Variants in PPP1R12A observed in about 807,000 individuals in gnomAD.
The protein encoded by PPP1R12A is protein phosphatase 1 regulatory subunit 12A.
A neutral mutation model predicts 139.6 loss-of-function variants in PPP1R12A; 19 were observed. The observed-to-expected ratio is 0.14, with a 90% CI of 0.09 to 0.20. The LOEUF (loss-of-function observed/expected upper bound fraction) is 0.20. PPP1R12A is among the 10% of genes least tolerant of loss of function. PPP1R12A has a pLI of 1.00. For missense variants in PPP1R12A, 925 were observed against 1,211.5 expected, an observed-to-expected ratio of 0.76 and a Z score of 3.51; for synonymous variants, 427 against 420.6, an observed-to-expected ratio of 1.02 and a Z score of -0.19.
At chr12:79,854,882 A>G (rs1014316276) in intron 2 of PPP1R12A, among the ~76,000 whole-genome samples, 1 of 151,970 alleles carries the variant, frequency 6.6e-6, no homozygotes, top group African/African-American at 2.4e-5. Context: ...TATGTTGCTG[A>G]AGCTGGTCTA....
chr12:79,884,067 G>C (rs1437833975), intron 1 of PPP1R12A, among the ~76,000 whole-genome samples: 1 of 152,130 alleles, frequency 6.6e-6, no homozygotes, highest in African/African-American at 2.4e-5. Flanking sequence ...AACAGGTCTG[G>C]TATATAAAGA....
At chr12:79,904,132 T>C (rs550216560) in intron 1 of PPP1R12A, among the ~76,000 whole-genome samples, 22 of 152,044 alleles carry the variant, frequency 1.4e-4, no homozygotes, top group Admixed American at 5.9e-4. Flanking sequence ...GGAGAATCGC[T>C]TGAACCCGGG....
At chr12:79,925,021 G>C (rs371923504) in intron 1 of PPP1R12A, among the ~76,000 whole-genome samples, 2 of 151,652 alleles carry the variant, frequency 1.3e-5, no homozygotes, top group Middle Eastern at 3.4e-3. Context: ...ATGCATCTTC[G>C]AATGATATCA....
intron 9 of PPP1R12A, among the ~76,000 whole-genome samples, chr12:79,816,383 C>T (rs1350986815): frequency 4.0e-5 from 6 of 151,228 alleles, no homozygotes; most frequent in African/African-American, 1.2e-4. Context: ...GTTATGATTA[C>T]TGCAATCAAT....
intron 14 of PPP1R12A, among the ~76,000 whole-genome samples, chr12:79,804,746 G>A (rs549389154): frequency 3.9e-4 from 58 of 149,106 alleles, no homozygotes; most frequent in African/African-American, 1.4e-3. Context: ...TTTTTCAAGA[G>A]GAAAAAAAAA....
chr12:79,858,932 C>T (rs1880991480), intron 2 of PPP1R12A, among the ~76,000 whole-genome samples: 1 of 152,122 alleles, frequency 6.6e-6, no homozygotes, highest in African/African-American at 2.4e-5. Context: ...ATAAAACTGT[C>T]ATGTTACCCA....
In PPP1R12A at chr12:79,817,388, G is replaced by A; in HGVS notation, c.1239+6C>T. ...TGTATTTTCAGCAAATACAATTTTG[G>A]CTTACCTTTTTAATAGGTGATGTAG... On this transcript the variant is annotated splice_donor_region_variant and intron_variant, in intron 9 of 24. Transcript: ENST00000450142. 1 of 1,609,358 alleles carries A rather than the reference G, an allele frequency of 6.2e-7. No individual in the cohort carries two copies. Among genetic ancestry groups the A allele is most frequent in the Non-Finnish European group, 8.5e-7 (1 of 1,177,296 alleles).
At chr12:79,842,517 T>C (rs1488163948) in intron 3 of PPP1R12A, among the ~76,000 whole-genome samples, 6 of 152,020 alleles carry the variant, frequency 3.9e-5, no homozygotes, top group Admixed American at 3.9e-4. Context: ...AACACAGCTC[T>C]AATAATACCT....
intron 19 of PPP1R12A, among the ~76,000 whole-genome samples, chr12:79,792,910 G>A (rs533963434): frequency 6.6e-6 from 1 of 151,990 alleles, no homozygotes; most frequent in South Asian, 2.1e-4. Flanking sequence ...ACTCCTCATT[G>A]TCTGGCCACC....
At chr12:79,884,874 CAT>C (rs753188328) in intron 1 of PPP1R12A, among the ~76,000 whole-genome samples, 2 of 152,084 alleles carry the variant, frequency 1.3e-5, no homozygotes, top group Admixed American at 6.6e-5. Context: ...TTGTTCCACA[CAT>C]GTTCATAAGG....
intron 5 of PPP1R12A, 174 bp downstream of exon 5, chr12:79,828,146 A>T: frequency 2.0e-6 from 1 of 491,284 alleles, no homozygotes; most frequent in South Asian, 5.8e-5. Context: ...GTAGCTGAAA[A>T]GACTTAAACC....
intron 4 of PPP1R12A, among the ~76,000 whole-genome samples, chr12:79,829,547 A>AT (rs1240252775): frequency 6.6e-6 from 1 of 152,036 alleles, no homozygotes; most frequent in Admixed American, 6.6e-5. Context: ...GGCCCTGCTG[A>AT]TCTATATTCT....
intron 1 of PPP1R12A, among the ~76,000 whole-genome samples, chr12:79,916,365 CT>C (rs1351039261): frequency 1.9e-5 from 1 of 52,024 alleles, no homozygotes; most frequent in East Asian, 5.9e-4. Context: ...AGACTTGGGG[CT>C]GTTTTTTCAA....
At chr12:79,822,279 AC>A in intron 5 of PPP1R12A, 89 bp from the exon 6 acceptor site, 2 of 947,468 alleles carry the variant, frequency 2.1e-6, no homozygotes, top group Non-Finnish European at 3.2e-6. Flanking sequence ...TTATATAAAG[AC>A]GTTGGATAAC....
intron 1 of PPP1R12A, 33 bp from the exon 2 acceptor site, chr12:79,872,971 A>T (rs1882722205): frequency 1.3e-6 from 2 of 1,590,954 alleles, no homozygotes; most frequent in Admixed American, 1.8e-5. Flanking sequence ...GATTGGAAAA[A>T]ATACGAATTA....
At chr12:79,849,255 G>A (rs1001639466) in intron 2 of PPP1R12A, among the ~76,000 whole-genome samples, 1 of 152,056 alleles carries the variant, frequency 6.6e-6, no homozygotes, top group African/African-American at 2.4e-5. Context: ...GGGTGTGGTG[G>A]TGCACACCTG....
intron 8 of PPP1R12A, 110 bp downstream of exon 8, chr12:79,820,664 A>T: frequency 9.2e-7 from 1 of 1,092,580 alleles, no homozygotes; most frequent in Non-Finnish European, 1.3e-6. Flanking sequence ...TGTGGCAGGT[A>T]TCTAAACAAG....
At chr12:79,876,405 AAATG>A (rs1327802482) in intron 1 of PPP1R12A, among the ~76,000 whole-genome samples, 1 of 152,170 alleles carries the variant, frequency 6.6e-6, no homozygotes, top group Non-Finnish European at 1.5e-5. Flanking sequence ...TGGGCTCAAT[AAATG>A]AATTAATGAA....
At chr12:79,842,551 A>C (rs578116421) in intron 3 of PPP1R12A, among the ~76,000 whole-genome samples, 1 of 150,748 alleles carries the variant, frequency 6.6e-6, no homozygotes, top group East Asian at 2.0e-4. Context: ...CTAATGGACT[A>C]TAACAAAAAT....
Sources: allele counts gnomAD v4.1 joint callset (sites outside exome capture counted in the v4.1 genomes callset), GRCh38; gene constraint gnomAD v4.1.1; transcripts MANE v1.5; gene names NCBI Gene and HGNC (gene_info 2026-07-23, HGNC 2026-07-21).